SPIDR: variants seen among roughly 807,000 people sequenced by gnomAD.
SPIDR encodes DNA repair-scaffolding protein.
SPIDR carries 93 observed loss-of-function variants against 104.6 expected under a neutral mutation model. The ratio of observed to expected loss-of-function variants is 0.89; its 90% CI spans 0.75 to 1.06. The LOEUF is 1.06. Ranked by LOEUF, SPIDR falls within the 50% of genes least tolerant of loss-of-function variation. The pLI, the probability that SPIDR is intolerant of heterozygous loss-of-function variation, is 0.00. For synonymous variants in SPIDR, 431 were observed against 416.9 expected, an observed-to-expected ratio of 1.03 and a Z score of -0.41; for missense variants, 1,154 against 1,111.2, an observed-to-expected ratio of 1.04 and a Z score of -0.55.
chr8:47,659,174 C>A (rs1285981349), intron 10 of SPIDR, among the ~76,000 whole-genome samples: 3 of 151,982 alleles, frequency 2.0e-5, no homozygotes, highest in Non-Finnish European at 1.5e-5. Context: ...GTGGGAGGAC[C>A]AGTTGAGCCC....
intron 8 of SPIDR, among the ~76,000 whole-genome samples, chr8:47,475,385 T>C (rs539088164): frequency 1.3e-5 from 2 of 152,370 alleles, no homozygotes; most frequent in South Asian, 2.1e-4. Context: ...ACTTACTTTA[T>C]TTTTAACTTC....
intron 5 of SPIDR, among the ~76,000 whole-genome samples, chr8:47,395,077 G>A (rs1352180436): frequency 6.6e-6 from 1 of 152,132 alleles, no homozygotes; most frequent in African/African-American, 2.4e-5. Flanking sequence ...GGCTGGGGTT[G>A]GTGGTTCATG....
chr8:47,593,682 T>G (rs1376106169), intron 8 of SPIDR, among the ~76,000 whole-genome samples: 2 of 151,778 alleles, frequency 1.3e-5, no homozygotes, highest in African/African-American at 2.4e-5. Context: ...AGGAGTGGAG[T>G]GGGTTGTTAC....
At chr8:47,725,126 A>C (rs1332586947) in intron 16 of SPIDR, among the ~76,000 whole-genome samples, 1 of 152,230 alleles carries the variant, frequency 6.6e-6, no homozygotes, top group Non-Finnish European at 1.5e-5. Context: ...GCAGAGTTCA[A>C]GTTACTGAAG....
chr8:47,348,129 T>G (rs893571483), intron 5 of SPIDR, among the ~76,000 whole-genome samples: 1 of 152,214 alleles, frequency 6.6e-6, no homozygotes, highest in African/African-American at 2.4e-5. Flanking sequence ...AGGAGTTCTT[T>G]TAGGGCAGGC....
At chr8:47,594,419 C>T (rs1220049381) in intron 8 of SPIDR, among the ~76,000 whole-genome samples, 1 of 151,766 alleles carries the variant, frequency 6.6e-6, no homozygotes. Flanking sequence ...TCTGGTATCC[C>T]AGCTGGGATA....
intron 8 of SPIDR, among the ~76,000 whole-genome samples, chr8:47,561,671 G>C (rs1564338701): frequency 6.6e-6 from 1 of 151,966 alleles, no homozygotes; most frequent in Non-Finnish European, 1.5e-5. Context: ...TGCCCCTCCT[G>C]GGATCCTCCC....
At chr8:47,674,530 G>A (rs901713536) in intron 11 of SPIDR, among the ~76,000 whole-genome samples, 1 of 151,998 alleles carries the variant, frequency 6.6e-6, no homozygotes, top group African/African-American at 2.4e-5. Flanking sequence ...ATTTTTAATG[G>A]AACTATCCAG....
intron 11 of SPIDR, among the ~76,000 whole-genome samples, chr8:47,698,234 A>C (rs1280622022): frequency 6.6e-6 from 1 of 151,762 alleles, no homozygotes; most frequent in Non-Finnish European, 1.5e-5. Flanking sequence ...TTGTTGCTTA[A>C]ACATATTTTT....
rs59112072 is a variant in SPIDR at position 47,351,097 on chromosome 8, C to T, written c.526-45279C>T. On this transcript the variant is annotated intron_variant, in intron 5 of 19. Transcript: ENST00000297423. ...CAACATCTCAGTGCTGTGTTCACGT[C>T]ACTCTTACTTTACTTAATAGTGACC... is the stretch of plus-strand genomic sequence containing the variant. Among the ~76,000 whole-genome samples, 961 of 152,326 alleles carry T rather than the reference C, an allele frequency of 6.3e-3. 13 individuals carry two copies. Among genetic ancestry groups the T allele is most frequent in the African/African-American group, 0.022 (924 of 41,576 alleles).
chr8:47,261,205 CG>C (rs772649655), intron 1 of SPIDR, among the ~76,000 whole-genome samples: 24 of 152,188 alleles, frequency 1.6e-4, no homozygotes, highest in Non-Finnish European at 2.9e-4. Flanking sequence ...GCGTGCGGGC[CG>C]GGCCCTCAGC....
intron 3 of SPIDR, among the ~76,000 whole-genome samples, chr8:47,289,228 GT>G (rs1174525027): frequency 1.3e-5 from 2 of 151,694 alleles, no homozygotes; most frequent in Admixed American, 6.6e-5. Context: ...CTAGGCTGGA[GT>G]TTTTTTTGTT....
intron 7 of SPIDR, among the ~76,000 whole-genome samples, chr8:47,426,006 A>G (rs1486010572): frequency 3.3e-5 from 5 of 152,082 alleles, no homozygotes; most frequent in African/African-American, 9.6e-5. Flanking sequence ...GCACTTTGGG[A>G]GGCTGAGGCA....
intron 10 of SPIDR, among the ~76,000 whole-genome samples, chr8:47,666,072 G>C (rs2074885903): frequency 6.6e-6 from 1 of 152,150 alleles, no homozygotes; most frequent in Admixed American, 6.5e-5. Context: ...TTGAAAGGTT[G>C]ATTAACCAAT....
chr8:47,405,876 A>G (rs1458549407), intron 6 of SPIDR, among the ~76,000 whole-genome samples: 1 of 152,196 alleles, frequency 6.6e-6, no homozygotes, highest in Non-Finnish European at 1.5e-5. Flanking sequence ...CTTAAGTTCA[A>G]GTGCATGTGA....
At chr8:47,620,166 A>G (rs1188614078) in intron 10 of SPIDR, among the ~76,000 whole-genome samples, 1 of 152,142 alleles carries the variant, frequency 6.6e-6, no homozygotes, top group Non-Finnish European at 1.5e-5. Flanking sequence ...ATTTTGAAAG[A>G]CAAAGTTCAG....
At chr8:47,624,209 C>T (rs1049374262) in intron 10 of SPIDR, among the ~76,000 whole-genome samples, 2 of 152,160 alleles carry the variant, frequency 1.3e-5, no homozygotes, top group Non-Finnish European at 2.9e-5. Flanking sequence ...ACACAACATA[C>T]CAGAATCTCT....
rs2061254376 is a variant in SPIDR at position 47,396,415 on chromosome 8, G to A, written c.565G>A (p.Glu189Lys). The change falls in exon 6 of 20, where the codon GAA becomes AAA. Residue 189 changes from glutamate to lysine, a missense_variant. By Grantham distance (56) the Glu-to-Lys change is moderately conservative. Coordinates refer to ENST00000297423, the MANE Select transcript of SPIDR (RefSeq NM_001080394.4). ...IEILEYSSDS[E>K]KEDDLENVLL... ...AATTTTAGAGTATTCATCAGATAGT[G>A]AAAAAGAAGATGATTTGGAAAATGT... 1.9e-6 allele frequency: 3 copies of A among 1,612,394 alleles called. No individual in the cohort carries two copies. Among genetic ancestry groups the A allele is most frequent in the South Asian group, 2.2e-5 (2 of 91,020 alleles).
intron 8 of SPIDR, among the ~76,000 whole-genome samples, chr8:47,494,404 C>T (rs767695345): frequency 1.3e-5 from 2 of 152,008 alleles, no homozygotes; most frequent in Non-Finnish European, 2.9e-5. Flanking sequence ...AATCCTCCCA[C>T]CTCATTTTTG....
Sources: allele counts gnomAD v4.1 joint callset (sites outside exome capture counted in the v4.1 genomes callset), GRCh38; gene constraint gnomAD v4.1.1; transcripts MANE v1.5; gene names NCBI Gene and HGNC (gene_info 2026-07-23, HGNC 2026-07-21).